Variants in MALRD1 observed in about 807,000 individuals in gnomAD.
MALRD1 encodes MAM and LDL receptor class A domain containing 1, also known as MAM and LDL-receptor class A domain-containing protein 1.
MALRD1 carries 247 observed loss-of-function variants against 242.1 expected under a neutral mutation model. The ratio of observed to expected loss-of-function variants is 1.02; its 90% CI spans 0.92 to 1.13. The LOEUF (loss-of-function observed/expected upper bound fraction) is 1.13. Among genes scored for constraint, MALRD1 ranks in the 50% most tolerant of loss-of-function variants. The pLI is 0.00. For missense variants in MALRD1, 2,989 were observed against 2,533.1 expected, an observed-to-expected ratio of 1.18 and a Z score of -3.86; for synonymous variants, 995 against 866.6, an observed-to-expected ratio of 1.15 and a Z score of -2.60.
chr10:19,292,729 A>G (rs185249193), intron 21 of MALRD1, among the ~76,000 whole-genome samples: 181 of 151,946 alleles, frequency 1.2e-3, no homozygotes, highest in African/African-American at 4.0e-3. Flanking sequence ...CGTCTCTACT[A>G]AAAATACAAA....
At chr10:19,138,183 G>T (rs1185253445) in intron 10 of MALRD1, among the ~76,000 whole-genome samples, 10 of 151,744 alleles carry the variant, frequency 6.6e-5, no homozygotes, top group Admixed American at 6.6e-4. Flanking sequence ...CAAGTAATCG[G>T]CTAACCAGTG....
At chr10:19,357,838 C>T (rs1057098973) in intron 26 of MALRD1, among the ~76,000 whole-genome samples, 1 of 151,868 alleles carries the variant, frequency 6.6e-6, no homozygotes, top group South Asian at 2.1e-4. Context: ...TCAAGGATAG[C>T]TTAAAATAGA....
chr10:19,681,598 A>G (rs1450666359), intron 36 of MALRD1, among the ~76,000 whole-genome samples: 1 of 152,084 alleles, frequency 6.6e-6, no homozygotes, highest in Non-Finnish European at 1.5e-5. Flanking sequence ...GCATTGGGTT[A>G]GAACATGCTC....
chr10:19,719,207 TATATAC>T (rs1297472931), intron 38 of MALRD1, among the ~76,000 whole-genome samples: 7 of 67,364 alleles, frequency 1.0e-4, no homozygotes, highest in African/African-American at 5.6e-4. Flanking sequence ...TATATATATA[TATATAC>T]ACATACATAC....
intron 38 of MALRD1, among the ~76,000 whole-genome samples, chr10:19,729,382 C>G (rs1038148159): frequency 6.6e-6 from 1 of 152,046 alleles, no homozygotes; most frequent in African/African-American, 2.4e-5. Flanking sequence ...CCTGAATAGG[C>G]AAAAAATATA....
At chr10:19,505,739 C>G (rs1485059759) in intron 31 of MALRD1, among the ~76,000 whole-genome samples, 1 of 152,138 alleles carries the variant, frequency 6.6e-6, no homozygotes, top group Non-Finnish European at 1.5e-5. Flanking sequence ...TCACTGCTTC[C>G]AAACACAACT....
At chr10:19,394,520 T>C (rs1846491291) in intron 28 of MALRD1, among the ~76,000 whole-genome samples, 1 of 152,170 alleles carries the variant, frequency 6.6e-6, no homozygotes, top group Admixed American at 6.5e-5. Context: ...CTGTGGTCAT[T>C]CTGGGTCCAC....
At chr10:19,184,118 G>A (rs1053034578) in intron 14 of MALRD1, among the ~76,000 whole-genome samples, 6 of 152,172 alleles carry the variant, frequency 3.9e-5, no homozygotes, top group African/African-American at 1.4e-4. Flanking sequence ...CCTGGACATA[G>A]CGAAATTACA....
At chr10:19,641,928 C>T (rs1564509495) in intron 36 of MALRD1, among the ~76,000 whole-genome samples, 3 of 151,858 alleles carry the variant, frequency 2.0e-5, no homozygotes, top group Non-Finnish European at 2.9e-5. Context: ...TTGGCAATAA[C>T]AAGTAGTTCA....
chr10:19,366,433 C>T (rs115423894), intron 26 of MALRD1, among the ~76,000 whole-genome samples: 1,923 of 152,200 alleles, frequency 0.013, 33 homozygotes, highest in African/African-American at 0.035. Flanking sequence ...ACAGATGAAG[C>T]TTAGCTCACT....
intron 11 of MALRD1, among the ~76,000 whole-genome samples, chr10:19,153,098 A>G (rs1261461541): frequency 1.3e-5 from 2 of 152,122 alleles, no homozygotes; most frequent in African/African-American, 2.4e-5. Flanking sequence ...CTATGACTTG[A>G]CACTTTCATT....
At chr10:19,658,969 G>A (rs953523186) in intron 36 of MALRD1, among the ~76,000 whole-genome samples, 1 of 152,106 alleles carries the variant, frequency 6.6e-6, no homozygotes, top group African/African-American at 2.4e-5. Context: ...GAAAACAAAT[G>A]GTTTGTTATC....
At position 19,203,781 on chromosome 10, in the gene MALRD1, G is replaced by T; in HGVS notation, c.2005G>T (p.Gly669Cys). The T allele has an allele frequency of 6.4e-7, 1 of 1,550,572 alleles. No individual in the cohort carries two copies. Among genetic ancestry groups the T allele is most frequent in the South Asian group, 1.2e-5 (1 of 84,042 alleles). ...CTGTGATTGGTTTGAAGCAATTAGT[G>T]GTGACCATTTTGACTGGATACGGAG... The part of the protein sequence containing the change: ...NSCDWFEAIS[G>C]DHFDWIRSSQ... Residue 669 changes from glycine to cysteine, a missense_variant, in exon 15 of 40, where the codon GGT becomes TGT. Physicochemically the swap from Gly to Cys is radical, Grantham distance 159. Coordinates refer to ENST00000454679, the MANE Select transcript of MALRD1 (RefSeq NM_001142308.3).
intron 36 of MALRD1, 120 bp from the exon 37 acceptor site, chr10:19,692,162 T>C: frequency 2.6e-6 from 2 of 767,982 alleles, no homozygotes; most frequent in South Asian, 5.1e-5. Flanking sequence ...TTATCAAAGT[T>C]ATCCATGTTC....
At chr10:19,586,774 G>A (rs1461058384) in intron 33 of MALRD1, among the ~76,000 whole-genome samples, 4 of 152,230 alleles carry the variant, frequency 2.6e-5, no homozygotes, top group Admixed American at 2.0e-4. Flanking sequence ...CTTCCTGGCT[G>A]CTTTGTTTAC....
At chr10:19,440,704 T>C (rs945703261) in intron 28 of MALRD1, among the ~76,000 whole-genome samples, 3 of 152,244 alleles carry the variant, frequency 2.0e-5, no homozygotes, top group Non-Finnish European at 4.4e-5. Flanking sequence ...TAGTATTCCA[T>C]GGTGTATATG....
Position 19,692,334 on chromosome 10 carries a change from G to C in MALRD1, c.6190G>C (p.Ala2064Pro). ...NRCHIKFNPP[A>P]TDFTYAQNNT... ...ATGCCATATCAAGTTTAATCCTCCT[G>C]CTACAGACTTCACATACGCTCAGAA... The change falls in exon 37 of 40, where the codon GCT (alanine) becomes CCT (proline). Residue 2064 changes from alanine (A) to proline (P), a missense_variant. Physicochemically the swap from Ala to Pro is conservative, Grantham distance 27. Coordinates refer to ENST00000454679, the MANE Select transcript of MALRD1 (RefSeq NM_001142308.3). 1.3e-6 allele frequency: 2 copies of C among 1,535,434 alleles called. No homozygotes were observed. The highest frequency in any genetic ancestry group is 1.7e-6 in the Non-Finnish European group (2 of 1,146,520).
chr10:19,692,589 C>G (rs1480603609), intron 38 of MALRD1, 35 bp downstream of exon 38: 13 of 1,469,106 alleles, frequency 8.8e-6, no homozygotes, highest in Non-Finnish European at 1.1e-5. Flanking sequence ...ATGAAATATA[C>G]CGTAGCAGAA....
intron 33 of MALRD1, among the ~76,000 whole-genome samples, chr10:19,577,690 T>C (rs781753371): frequency 6.6e-6 from 1 of 152,152 alleles, no homozygotes; most frequent in Non-Finnish European, 1.5e-5. Flanking sequence ...AGATGAAGCC[T>C]TTTACGTGAA....
Sources: allele counts gnomAD v4.1 joint callset (sites outside exome capture counted in the v4.1 genomes callset), GRCh38; gene constraint gnomAD v4.1.1; transcripts MANE v1.5; gene names NCBI Gene and HGNC (gene_info 2026-07-23, HGNC 2026-07-21).